SLC8A1: variants seen among roughly 807,000 people sequenced by gnomAD.
SLC8A1 encodes sodium/calcium exchanger 1.
A neutral mutation model predicts 68.3 loss-of-function variants in SLC8A1; 18 were observed. That is an observed-to-expected ratio of 0.26 (90% CI 0.18 to 0.39). The LOEUF (loss-of-function observed/expected upper bound fraction) is 0.39, where lower values mean the gene tolerates loss of function less well. Ranked by LOEUF, SLC8A1 falls within the 10% of genes least tolerant of loss-of-function variation. The pLI is 1.00. For missense variants in SLC8A1, 985 were observed against 1,156.7 expected (o/e 0.85, Z 2.15); for synonymous variants, 475 against 415.5 (o/e 1.14, Z -1.74).
At position 40,496,066 on chromosome 2, in the gene SLC8A1, G is replaced by A. The variant is rs1281817888; in HGVS notation, c.-25+16283C>T. On this transcript the variant is annotated intron_variant, in intron 1 of 7. Coordinates refer to the SLC8A1 transcript ENST00000402441. ...TGGAAAACTCTTTCAGCAGTTATGA[G>A]GTGCCCACTCATTATCATTGCCTGC... Among the ~76,000 whole-genome samples, 5 of 152,142 alleles carry A rather than the reference G, an allele frequency of 3.3e-5. No homozygotes were observed. In the South Asian group the frequency reaches 1.0e-3, roughly 32 times the overall value.
chr2:40,346,724 G>T (rs954541868), intron 2 of SLC8A1, among the ~76,000 whole-genome samples: 1 of 152,086 alleles, frequency 6.6e-6, no homozygotes, highest in African/African-American at 2.4e-5. Context: ...TGGCTAAATT[G>T]TTTTGTCTGC....
chr2:40,177,440 T>C (rs35432865), intron 3 of SLC8A1, among the ~76,000 whole-genome samples: 1,617 of 152,334 alleles, frequency 0.011, 8 homozygotes, highest in African/African-American at 0.016. Context: ...TGGAGTGACA[T>C]TTTAGAATAA....
chr2:40,229,472 C>T (rs2059379522), intron 2 of SLC8A1, among the ~76,000 whole-genome samples: 1 of 152,006 alleles, frequency 6.6e-6, no homozygotes. Flanking sequence ...TAGAACTTGT[C>T]CTTGCATTAA....
intron 2 of SLC8A1, among the ~76,000 whole-genome samples, chr2:40,219,046 A>G (rs2057925396): frequency 5.1e-5 from 1 of 19,760 alleles, no homozygotes; most frequent in Non-Finnish European, 1.5e-4. Context: ...TTGGTCTGAT[A>G]TAATCTCCAT....
chr2:40,289,730 G>A (rs978153870), intron 2 of SLC8A1, among the ~76,000 whole-genome samples: 1 of 151,828 alleles, frequency 6.6e-6, no homozygotes, highest in Admixed American at 6.6e-5. Context: ...GCTTGGTGGT[G>A]CATGCCTGTA....
chr2:40,463,765 C>G (rs955332660), intron 1 of SLC8A1, among the ~76,000 whole-genome samples: 2 of 149,774 alleles, frequency 1.3e-5, no homozygotes, highest in African/African-American at 4.9e-5. Flanking sequence ...TCTTGATATG[C>G]TATTCTAAAT....
intron 2 of SLC8A1, among the ~76,000 whole-genome samples, chr2:40,292,593 G>A (rs2069525331): frequency 6.6e-6 from 1 of 152,148 alleles, no homozygotes; most frequent in South Asian, 2.1e-4. Context: ...AGTGTGGATT[G>A]AAGACCTAAT....
intron 7 of SLC8A1, among the ~76,000 whole-genome samples, chr2:40,129,975 C>T (rs577146093): frequency 6.6e-6 from 1 of 152,326 alleles, no homozygotes; most frequent in South Asian, 2.1e-4. Flanking sequence ...AGCATCCCTG[C>T]TCCCTGGACC....
chr2:40,099,118 G>A (rs566558370), exon 8 of SLC8A1: 5 of 152,088 alleles, frequency 3.3e-5, no homozygotes, highest in East Asian at 1.9e-4. Context: ...ATTTCTAACA[G>A]TGTTGCTTAA....
intron 2 of SLC8A1, among the ~76,000 whole-genome samples, chr2:40,215,643 CAAAAAAAAAAA>C (rs56191722): frequency 5.0e-3 from 353 of 69,928 alleles, no homozygotes; most frequent in African/African-American, 0.018. Flanking sequence ...GACTCCGTCT[CAAAAAAAAAAA>C]AAAAAAAAAA....
intron 2 of SLC8A1, among the ~76,000 whole-genome samples, chr2:40,284,541 T>C (rs2068001574): frequency 6.8e-6 from 1 of 146,658 alleles, no homozygotes; most frequent in South Asian, 2.1e-4. Context: ...AACATCTCTA[T>C]TTATATATAT....
At chr2:40,443,983 G>A (rs1474684961) in intron 1 of SLC8A1, among the ~76,000 whole-genome samples, 1 of 152,088 alleles carries the variant, frequency 6.6e-6, no homozygotes, top group Non-Finnish European at 1.5e-5. Context: ...TATCTTCCAT[G>A]ACCCATCTCA....
intron 6 of SLC8A1, among the ~76,000 whole-genome samples, chr2:40,153,112 G>A (rs6708371): frequency 0.017 from 2,657 of 152,192 alleles, 95 homozygotes; most frequent in African/African-American, 0.061. Context: ...TACAAGGATG[G>A]ATTGGATAAT....
rs371395367 is a variant in SLC8A1, at chr2:40,212,281, A to ATGTTTTTTTT, written c.1809-34427_1809-34426insAAAAAAAACA. ...AGGTGCTAAACAGAAGAGATGCAAT[A>ATGTTTTTTTT]TCTTTTTTTTTTTTTTTTTTCCTGA... is the stretch of plus-strand genomic sequence containing the variant. On this transcript the variant is annotated intron_variant, in intron 2 of 7. Transcript: ENST00000406785. 9.2e-4 allele frequency among the ~76,000 whole-genome samples: 109 copies of ATGTTTTTTTT among 118,208 alleles called. 29 individuals carry two copies. Among genetic ancestry groups the ATGTTTTTTTT allele is most frequent in the African/African-American group, 1.8e-3 (57 of 32,284 alleles). The allele number at this position is 118,208 out of a possible 152,430, so 77.5% of individuals were successfully genotyped here.
At chr2:40,443,708 C>A (rs1180486412) in intron 1 of SLC8A1, among the ~76,000 whole-genome samples, 1 of 152,140 alleles carries the variant, frequency 6.6e-6, no homozygotes, top group African/African-American at 2.4e-5. Flanking sequence ...GAGTGCTGGT[C>A]TCAGCTCTAC....
At chr2:40,193,687 ACTG>A (rs1180104377) in intron 2 of SLC8A1, among the ~76,000 whole-genome samples, 1 of 152,126 alleles carries the variant, frequency 6.6e-6, no homozygotes, top group East Asian at 1.9e-4. Flanking sequence ...TTGATTATGG[ACTG>A]CTATTATCCA....
intron 2 of SLC8A1, among the ~76,000 whole-genome samples, chr2:40,285,056 C>T (rs566002212): frequency 6.6e-6 from 1 of 152,236 alleles, no homozygotes; most frequent in South Asian, 2.1e-4. Flanking sequence ...GAAAAATGGT[C>T]AGCTGGACTC....
At chr2:40,386,303 T>C (rs1048348230) in intron 2 of SLC8A1, among the ~76,000 whole-genome samples, 9 of 151,174 alleles carry the variant, frequency 6.0e-5, no homozygotes, top group Non-Finnish European at 1.2e-4. Context: ...ATGAGTCTAT[T>C]TTACTTTCAA....
intron 7 of SLC8A1, among the ~76,000 whole-genome samples, chr2:40,115,901 T>G (rs1270992325): frequency 6.6e-6 from 1 of 152,200 alleles, no homozygotes; most frequent in African/African-American, 2.4e-5. Flanking sequence ...TTCTTTGTAA[T>G]ATTGACCTTG....
Sources: allele counts gnomAD v4.1 joint callset (sites outside exome capture counted in the v4.1 genomes callset), GRCh38; gene constraint gnomAD v4.1.1; transcripts MANE v1.5; gene names NCBI Gene and HGNC (gene_info 2026-07-23, HGNC 2026-07-21).